DOCK10: variants seen among roughly 807,000 people sequenced by gnomAD.
DOCK10 encodes dedicator of cytokinesis protein 10.
Under a neutral mutation model 280.1 loss-of-function variants are expected in DOCK10, and 145 were observed. That is an observed-to-expected ratio of 0.52 (90% CI 0.45 to 0.59). The LOEUF (loss-of-function observed/expected upper bound fraction) is 0.59, where lower values mean the gene tolerates loss of function less well. DOCK10 is among the 20% of genes least tolerant of loss of function. The pLI, the probability that DOCK10 is intolerant of heterozygous loss-of-function variation, is 0.00. For missense variants in DOCK10, 2,368 were observed against 2,651.7 expected (o/e 0.89, Z 2.35); for synonymous variants, 915 against 942.2 (o/e 0.97, Z 0.53).
chr2:224,786,940 C>T lies in DOCK10; in HGVS notation c.5655+82G>A, dbSNP rs1691770983. The T allele has an allele frequency of 7.8e-6, 8 of 1,029,098 alleles. No individual in the cohort carries two copies. The highest frequency in any genetic ancestry group is 2.4e-4 in the Middle Eastern group (1 of 4,130). The allele number at this position is 1,029,098 out of a possible 1,614,324, so 63.7% of individuals were successfully genotyped here. A position where few individuals can be genotyped will look rare whatever the true frequency, so the allele number is the denominator to read the frequency against. Reference sequence around the variant, plus strand: ...CCACACCTCTCCATTCACTGGTACACACAGATGTCTCATAAAGAATGAAAG... The same window carrying T: ...CCACACCTCTCCATTCACTGGTACATACAGATGTCTCATAAAGAATGAAAG... On this transcript the variant is annotated intron_variant, in intron 50 of 55. Coordinates refer to ENST00000258390, the MANE Select transcript of DOCK10 (RefSeq NM_014689.3). The surrounding 1 kb of genome is among the most constrained non-coding windows in gnomAD (Gnocchi z 4.7).
At chr2:224,790,904 G>A (rs530062639) in intron 47 of DOCK10, among the ~76,000 whole-genome samples, 1 of 152,258 alleles carries the variant, frequency 6.6e-6, no homozygotes, top group Admixed American at 6.5e-5. Context: ...GATGATATAT[G>A]CTAATTAGAA....
At position 224,765,613 on chromosome 2, in the gene DOCK10, A is replaced by G; in HGVS notation, c.*108T>C. 1 of 772,656 alleles carries G rather than the reference A, an allele frequency of 1.3e-6. No individual in the cohort carries two copies. Among genetic ancestry groups the G allele is most frequent in the Non-Finnish European group, 2.0e-6 (1 of 496,236 alleles). 47.9% of individuals were successfully genotyped at this position (772,656 alleles called of 1,614,324 possible). A position where few individuals can be genotyped will look rare whatever the true frequency, so the allele number is the denominator to read the frequency against. On this transcript the variant is annotated 3_prime_UTR_variant, in exon 56 of 56. Transcript: ENST00000258390. ...TGAAGCTAGCGAGGTAAACAAAAAT[A>G]TTAACACCATGAAAACTTCAAATAA...
In DOCK10 at chr2:224,826,758, T is replaced by G. The variant is rs202241685; in HGVS notation, c.3037-3111A>C. Among the ~76,000 whole-genome samples, 87 of 151,582 alleles carry G rather than the reference T, an allele frequency of 5.7e-4. 1 individual carries two copies. In the East Asian group the frequency reaches 0.015, roughly 27 times the overall value. The stretch of plus-strand genomic sequence containing the variant: ...ATATAATTATCTATCTATCTATCTA[T>G]CTATCTATCTATCTATCTATCTATC... On this transcript the variant is annotated intron_variant, in intron 27 of 55. Coordinates refer to ENST00000258390, the MANE Select transcript of DOCK10 (RefSeq NM_014689.3).
At chr2:224,898,203 T>C (rs1275541275) in intron 3 of DOCK10, among the ~76,000 whole-genome samples, 1 of 152,132 alleles carries the variant, frequency 6.6e-6, no homozygotes, top group African/African-American at 2.4e-5. Flanking sequence ...AGGCTCGAGA[T>C]GCATGAAAAA....
intron 47 of DOCK10, among the ~76,000 whole-genome samples, chr2:224,790,743 G>A (rs905578083): frequency 2.0e-5 from 3 of 152,082 alleles, no homozygotes; most frequent in Non-Finnish European, 4.4e-5. Flanking sequence ...TGAAGCAGCT[G>A]TACTTTCTGG....
At chr2:224,940,101 C>G (rs1432706154) in intron 1 of DOCK10, among the ~76,000 whole-genome samples, 2 of 152,170 alleles carry the variant, frequency 1.3e-5, no homozygotes, top group Non-Finnish European at 2.9e-5. Flanking sequence ...CCATTCAACG[C>G]TTTCCTGCCG....
chr2:224,864,863 C>T lies in DOCK10; in HGVS notation c.1479+3G>A. The T allele has an allele frequency of 6.2e-7, 1 of 1,613,868 alleles. No individual in the cohort carries two copies. Among genetic ancestry groups the T allele is most frequent in the Admixed American group, 1.7e-5 (1 of 60,008 alleles). ...ATCTCATCACAAGTAAACAAAGTGC[C>T]ACCTGCTTTGGAAATTTTAGCCATT... On this transcript the variant is annotated splice_donor_region_variant and intron_variant, in intron 12 of 55. Transcript: ENST00000258390.
intron 50 of DOCK10, among the ~76,000 whole-genome samples, chr2:224,783,247 A>G (rs1574811463): frequency 6.7e-6 from 1 of 149,662 alleles, no homozygotes; most frequent in South Asian, 2.1e-4. Context: ...TTAACAAAAC[A>G]CTTTGCCTTT....
At chr2:224,893,153 A>G (rs539195405) in intron 4 of DOCK10, among the ~76,000 whole-genome samples, 2 of 152,296 alleles carry the variant, frequency 1.3e-5, no homozygotes, top group Admixed American at 1.3e-4. Context: ...CCCATCAGTT[A>G]TCAGCTGTAA....
intron 55 of DOCK10, chr2:224,769,017 C>A: frequency 4.6e-6 from 2 of 436,106 alleles, no homozygotes; most frequent in Non-Finnish European, 4.6e-6. Flanking sequence ...CAGTTGGAGA[C>A]AAGCATTCCT....
intron 28 of DOCK10, among the ~76,000 whole-genome samples, chr2:224,823,133 A>G (rs951926013): frequency 2.0e-5 from 3 of 151,598 alleles, no homozygotes; most frequent in African/African-American, 4.9e-5. Flanking sequence ...GACTACAGGC[A>G]CGCACCACCA....
In DOCK10 at chr2:224,797,947, C is replaced by T. The variant is rs1692695929; in HGVS notation, c.4529G>A (p.Cys1510Tyr). ...GACCCTTTTCATCAATGAATTTTGA[C>T]AGTCACATTGTTGGAGTTGTCTCTG... is the stretch of plus-strand genomic sequence containing the variant. ...THQRQLQQCD[C>Y]QNSLMKRVFD... Residue 1510 changes from cysteine to tyrosine, a missense_variant, in exon 42 of 56, where the codon TGT (cysteine) becomes TAT (tyrosine). This residue lies in a region of DOCK10 where 1,159 missense variants were observed against 1,400.8 expected (regional missense o/e 0.83). Transcript: ENST00000258390. 1 of 1,613,548 alleles carries T rather than the reference C, an allele frequency of 6.2e-7. No individual in the cohort carries two copies.
rs1427210790 is a variant in DOCK10, at chr2:224,774,890, G to C, written c.6013+15C>G. The C allele has an allele frequency of 6.4e-7, 1 of 1,571,356 alleles. No individual in the cohort carries two copies. Among genetic ancestry groups the C allele is most frequent in the Non-Finnish European group, 8.6e-7 (1 of 1,157,620 alleles). On this transcript the variant is annotated intron_variant, in intron 52 of 55. Coordinates refer to ENST00000258390, the MANE Select transcript of DOCK10 (RefSeq NM_014689.3). ...GAACAGGTGCCACATGTGTGGCCCGGCTACCTGCACCTACTTGTCAGGATC... is the reference window on the plus strand; with the variant it reads ...GAACAGGTGCCACATGTGTGGCCCGCCTACCTGCACCTACTTGTCAGGATC...
intron 5 of DOCK10, 72 bp from the exon 6 acceptor site, chr2:224,886,257 A>G: frequency 6.3e-7 from 1 of 1,586,630 alleles, no homozygotes; most frequent in Middle Eastern, 1.7e-4. Flanking sequence ...CATTTAAAAA[A>G]GAGACTCCTC....
chr2:224,929,035 C>T (rs1195283314), intron 2 of DOCK10, among the ~76,000 whole-genome samples: 3 of 152,192 alleles, frequency 2.0e-5, no homozygotes, highest in African/African-American at 7.2e-5. Context: ...CATGGCTGAT[C>T]CTTCTTGAGA....
At chr2:224,937,274 T>C (rs1215867158) in intron 1 of DOCK10, among the ~76,000 whole-genome samples, 1 of 152,150 alleles carries the variant, frequency 6.6e-6, no homozygotes, top group African/African-American at 2.4e-5. Flanking sequence ...ACAGCTGATA[T>C]TGGGATAAAT....
intron 2 of DOCK10, among the ~76,000 whole-genome samples, chr2:224,930,245 A>G (rs1702269346): frequency 6.6e-6 from 1 of 151,734 alleles, no homozygotes. Flanking sequence ...GAAAGAAAGA[A>G]AAAGACTGTT....
rs1252055711 is a variant in DOCK10, at chr2:224,823,584, G to A, written c.3100C>T (p.Leu1034=). 2 of 1,607,296 alleles carry A rather than the reference G, an allele frequency of 1.2e-6. No homozygotes were observed. Among genetic ancestry groups the A allele is most frequent in the African/African-American group, 2.7e-5 (2 of 74,652 alleles). ...TATTTCCAAATCACATGGTCGGATA[G>A]GACCATGACAAGATTGTCCAATTCA... ...QNELDNLVMV[L]SDHVIWKYKD... Residue 1034 remains leucine, a synonymous_variant, in exon 28 of 56, where the codon CTA becomes TTA. Coordinates refer to ENST00000258390, the MANE Select transcript of DOCK10 (RefSeq NM_014689.3).
chr2:224,944,951 C>T (rs77751928), intron 1 of DOCK10, among the ~76,000 whole-genome samples: 1,755 of 152,238 alleles, frequency 0.012, 16 homozygotes, highest in Non-Finnish European at 0.016. Flanking sequence ...CCTTACTGGC[C>T]GCTCTTCCCA....
Sources: allele counts gnomAD v4.1 joint callset (sites outside exome capture counted in the v4.1 genomes callset), GRCh38; gene constraint gnomAD v4.1.1; regional missense constraint gnomAD v4.1.1; non-coding constraint Gnocchi (gnomAD v3.1); transcripts MANE v1.5; gene names NCBI Gene and HGNC (gene_info 2026-07-23, HGNC 2026-07-21).